The following ELOVL7 variants were observed in gnomAD, a reference collection of about 807,000 sequenced individuals.
ELOVL7 encodes the protein ELOVL fatty acid elongase 7.
A neutral mutation model predicts 35.7 loss-of-function variants in ELOVL7; 27 were observed. The ratio of observed to expected loss-of-function variants is 0.76; its 90% CI spans 0.56 to 1.04. ELOVL7 has a LOEUF of 1.04. ELOVL7 is among the 50% of genes least tolerant of loss of function. The pLI, the probability that ELOVL7 is intolerant of heterozygous loss-of-function variation, is 0.00. For synonymous variants in ELOVL7, 113 were observed against 114.6 expected (o/e 0.99, Z 0.09); for missense variants, 327 against 340.8 (o/e 0.96, Z 0.32).
At chr5:60,804,195 T>A (rs1253396749) in intron 1 of ELOVL7, among the ~76,000 whole-genome samples, 3 of 152,322 alleles carry the variant, frequency 2.0e-5, no homozygotes, top group South Asian at 2.1e-4. Context: ...CGTAAAAACC[T>A]TAGCACGAGT....
chr5:60,825,392 T>G (rs1002578421), intron 1 of ELOVL7, among the ~76,000 whole-genome samples: 1 of 152,218 alleles, frequency 6.6e-6, no homozygotes, highest in Non-Finnish European at 1.5e-5. Flanking sequence ...TTCCCTTACC[T>G]TGCTTTATTT....
At chr5:60,789,626 A>T (rs755530902) in intron 2 of ELOVL7, among the ~76,000 whole-genome samples, 20 of 152,224 alleles carry the variant, frequency 1.3e-4, no homozygotes, top group Non-Finnish European at 2.8e-4. Context: ...CTTATCCTGT[A>T]GAAATACATA....
intron 4 of ELOVL7, among the ~76,000 whole-genome samples, chr5:60,769,382 G>A (rs1384530400): frequency 6.6e-6 from 1 of 152,206 alleles, no homozygotes; most frequent in African/African-American, 2.4e-5. Context: ...AACAAGCACT[G>A]TGTCGAATGA....
chr5:60,780,786 A>C (rs1743201926), intron 3 of ELOVL7, among the ~76,000 whole-genome samples: 1 of 152,128 alleles, frequency 6.6e-6, no homozygotes, highest in African/African-American at 2.4e-5. Context: ...GCATGGGGGA[A>C]CTGCGCCCAT....
At chr5:60,771,229 A>T (rs909119065) in intron 4 of ELOVL7, among the ~76,000 whole-genome samples, 1 of 152,150 alleles carries the variant, frequency 6.6e-6, no homozygotes, top group African/African-American at 2.4e-5. Flanking sequence ...AAGAACATAC[A>T]TGGGGGTGGC....
At chr5:60,823,430 C>T (rs1415106049) in intron 1 of ELOVL7, among the ~76,000 whole-genome samples, 2 of 152,142 alleles carry the variant, frequency 1.3e-5, no homozygotes, top group African/African-American at 4.8e-5. Flanking sequence ...ACCATAAGCA[C>T]CAGGAAGGCA....
chr5:60,793,739 C>A lies in ELOVL7; in HGVS notation c.-35+5441G>T, dbSNP rs888745216. On this transcript the variant is annotated intron_variant, in intron 2 of 8. Coordinates refer to ENST00000508821, the MANE Select transcript of ELOVL7 (RefSeq NM_024930.3). Reference sequence around the variant, plus strand: ...CTTGTAAGACTACAATAAAGAGGTGCCAGCTGCATACAATATCCAAGTCCT... The same window carrying A: ...CTTGTAAGACTACAATAAAGAGGTGACAGCTGCATACAATATCCAAGTCCT... 3.3e-5 allele frequency among the ~76,000 whole-genome samples: 5 copies of A among 152,000 alleles called. No homozygotes were observed. The East Asian group carries it at 9.6e-4, about 29-fold the overall frequency.
intron 7 of ELOVL7, among the ~76,000 whole-genome samples, chr5:60,760,942 G>C (rs754232816): frequency 1.3e-5 from 2 of 152,150 alleles, no homozygotes; most frequent in Non-Finnish European, 2.9e-5. Context: ...GTAGCCAAGA[G>C]TGTTTAGTAA....
In ELOVL7 at chr5:60,754,694, C is replaced by T. The variant is rs765315081; in HGVS notation, c.776G>A (p.Arg259His). Residue 259 changes from arginine to histidine, a missense_variant, in exon 9 of 9, where the codon CGT (arginine) becomes CAT (histidine). Coordinates refer to ENST00000508821, the MANE Select transcript of ELOVL7 (RefSeq NM_024930.3). Reference sequence around the variant, plus strand: ...CAACCTCTGACCTTTGGTGTAAGCACGGTACCAAAAATGGAGAAAGAGCAG... The same window carrying T: ...CAACCTCTGACCTTTGGTGTAAGCATGGTACCAAAAATGGAGAAAGAGCAG... ...FLLLFLHFWYRAYTKGQRLPK... is the reference protein window; with the variant it reads ...FLLLFLHFWYHAYTKGQRLPK... The T allele has an allele frequency of 1.4e-5, 22 of 1,613,920 alleles. No homozygotes were observed. The highest frequency in any genetic ancestry group is 1.9e-5 in the Non-Finnish European group (22 of 1,180,024).
chr5:60,837,665 G>A (rs1334954754), intron 1 of ELOVL7, among the ~76,000 whole-genome samples: 2 of 152,080 alleles, frequency 1.3e-5, no homozygotes, highest in African/African-American at 4.8e-5. Flanking sequence ...ATGTAGGCTG[G>A]GCGCAGTGGC....
intron 1 of ELOVL7, among the ~76,000 whole-genome samples, chr5:60,810,818 T>A (rs1288726673): frequency 6.6e-6 from 1 of 152,182 alleles, no homozygotes; most frequent in Non-Finnish European, 1.5e-5. Flanking sequence ...AAGGGCTTCT[T>A]AAGCAAATTT....
chr5:60,793,867 C>T (rs1393798727), intron 2 of ELOVL7, among the ~76,000 whole-genome samples: 1 of 152,168 alleles, frequency 6.6e-6, no homozygotes, highest in Non-Finnish European at 1.5e-5. Flanking sequence ...GATCAGAGCT[C>T]AGCAATGAAG....
chr5:60,763,366 C>A (rs2112146623), intron 7 of ELOVL7, among the ~76,000 whole-genome samples: 1 of 152,284 alleles, frequency 6.6e-6, no homozygotes, highest in South Asian at 2.1e-4. Context: ...GTCTAGAACT[C>A]AAACAAGAGT....
intron 1 of ELOVL7, among the ~76,000 whole-genome samples, chr5:60,841,157 C>G (rs1024212058): frequency 2.0e-5 from 3 of 151,628 alleles, no homozygotes; most frequent in African/African-American, 7.3e-5. Context: ...TCCCAAGTAG[C>G]TGGGACTACA....
chr5:60,812,893 T>G (rs1745313459), intron 1 of ELOVL7, among the ~76,000 whole-genome samples: 1 of 152,200 alleles, frequency 6.6e-6, no homozygotes, highest in Non-Finnish European at 1.5e-5. Flanking sequence ...GGTTATTTTC[T>G]TCATACCCCT....
At chr5:60,774,100 T>C (rs1742761695) in intron 3 of ELOVL7, among the ~76,000 whole-genome samples, 1 of 152,198 alleles carries the variant, frequency 6.6e-6, no homozygotes, top group South Asian at 2.1e-4. Context: ...TTCCAAAAAA[T>C]TGAGGAGGAG....
chr5:60,794,957 G>T (rs1023971835), intron 2 of ELOVL7, among the ~76,000 whole-genome samples: 4 of 152,228 alleles, frequency 2.6e-5, no homozygotes, highest in Non-Finnish European at 5.9e-5. Context: ...ATGGGGGATG[G>T]GGTGTTTGAA....
intron 1 of ELOVL7, among the ~76,000 whole-genome samples, chr5:60,806,605 G>T (rs530504967): frequency 2.6e-5 from 4 of 151,782 alleles, no homozygotes; most frequent in African/African-American, 4.8e-5. Flanking sequence ...AAAAAGAAAT[G>T]ATGAAAAAAA....
chr5:60,794,886 G>C (rs547517281), intron 2 of ELOVL7, among the ~76,000 whole-genome samples: 1 of 152,236 alleles, frequency 6.6e-6, no homozygotes, highest in East Asian at 1.9e-4. Context: ...TGGTGGAACT[G>C]GGGACTGCAG....
Sources: allele counts gnomAD v4.1 joint callset (sites outside exome capture counted in the v4.1 genomes callset), GRCh38; gene constraint gnomAD v4.1.1; transcripts MANE v1.5; gene names NCBI Gene and HGNC (gene_info 2026-07-23, HGNC 2026-07-21).